The following MCTP2 variants were observed in gnomAD, a reference collection of about 807,000 sequenced individuals.
MCTP2 encodes multiple C2 and transmembrane domain containing 2, also known as multiple C2 and transmembrane domain-containing protein 2.
MCTP2 carries 132 observed loss-of-function variants against 111.6 expected under a neutral mutation model. The ratio of observed to expected loss-of-function variants is 1.18; its 90% CI spans 1.03 to 1.37. MCTP2 has a LOEUF of 1.37. Among genes scored for constraint, MCTP2 ranks in the 40% most tolerant of loss-of-function variants. The pLI is 0.00. For missense variants in MCTP2, 1,183 were observed against 1,067.9 expected (o/e 1.11, Z -1.50); for synonymous variants, 395 against 387.7 (o/e 1.02, Z -0.22).
intron 2 of MCTP2, among the ~76,000 whole-genome samples, chr15:94,311,022 T>G (rs2076105880): frequency 7.1e-6 from 1 of 140,270 alleles, no homozygotes. Context: ...TTTCCTTTTT[T>G]TTTTTTTTTT....
intron 4 of MCTP2, among the ~76,000 whole-genome samples, chr15:94,324,578 C>T (rs925257754): frequency 2.6e-5 from 4 of 152,154 alleles, no homozygotes; most frequent in African/African-American, 7.2e-5. Flanking sequence ...GAAAACTGCT[C>T]TCTTTCTCAA....
intron 1 of MCTP2, among the ~76,000 whole-genome samples, chr15:94,271,427 G>C (rs1042287445): frequency 1.3e-5 from 2 of 152,190 alleles, no homozygotes; most frequent in African/African-American, 4.8e-5. Context: ...GAAATTGGTT[G>C]CAAATCTCTA....
Position 94,340,866 on chromosome 15 carries a change from TG to T in MCTP2, c.914del (p.Gly305GlufsTer2), listed in dbSNP as rs2077600616. 2 of 1,613,174 alleles carry T rather than the reference TG, an allele frequency of 1.2e-6. No homozygotes were observed. Among genetic ancestry groups the T allele is most frequent in the East Asian group, 2.2e-5 (1 of 44,816 alleles). The part of the protein sequence containing the change: ...LEDPNSLEDD[M>X]GVIVLNLNLV... ...GATCCAAACAGTTTAGAAGATGACATGGGAGTGATCGTGTTAAATTTGAACC... is the reference window on the plus strand; with the variant it reads ...GATCCAAACAGTTTAGAAGATGACATGGAGTGATCGTGTTAAATTTGAACC... On this transcript the variant is annotated frameshift_variant, in exon 7 of 23. Transcript: ENST00000357742. LOFTEE classifies it high-confidence loss of function.
chr15:94,307,612 A>G (rs942712460), intron 2 of MCTP2, among the ~76,000 whole-genome samples: 14 of 152,212 alleles, frequency 9.2e-5, no homozygotes, highest in African/African-American at 3.1e-4. Flanking sequence ...CGGGATGCAC[A>G]GGAGCCCCAT....
chr15:94,247,922 G>T lies in MCTP2; in HGVS notation c.-66+16258G>T, dbSNP rs2072134755. ...TCAAAACTTATCTGTAATGTGCCAG[G>T]TATTGATGTGGACTGGGAAAATCCA... On this transcript the variant is annotated intron_variant, in intron 1 of 22. Transcript: ENST00000357742. 2.6e-5 allele frequency among the ~76,000 whole-genome samples: 4 copies of T among 152,266 alleles called. No individual in the cohort carries two copies. In the South Asian group the frequency reaches 8.3e-4, roughly 32 times the overall value.
intron 1 of MCTP2, among the ~76,000 whole-genome samples, chr15:94,237,444 T>A (rs2070649387): frequency 6.6e-6 from 1 of 151,168 alleles, no homozygotes; most frequent in South Asian, 2.1e-4. Flanking sequence ...ACTCGGATTT[T>A]TTTTTTTTTT....
chr15:94,249,019 C>G (rs1024132220), intron 1 of MCTP2, among the ~76,000 whole-genome samples: 3 of 152,150 alleles, frequency 2.0e-5, no homozygotes, highest in African/African-American at 4.8e-5. Context: ...TATTGAAGCG[C>G]TTGTGTTGTG....
At chr15:94,333,803 C>A (rs1477469681) in intron 4 of MCTP2, among the ~76,000 whole-genome samples, 1 of 152,136 alleles carries the variant, frequency 6.6e-6, no homozygotes, top group Non-Finnish European at 1.5e-5. Flanking sequence ...AAGGAAGCAG[C>A]CAGTCCTTAT....
intron 12 of MCTP2, among the ~76,000 whole-genome samples, chr15:94,381,818 C>T (rs2080154808): frequency 6.6e-6 from 1 of 152,158 alleles, no homozygotes; most frequent in Non-Finnish European, 1.5e-5. Context: ...TAGGCTTTTC[C>T]CCAGCTAACT....
intron 19 of MCTP2, among the ~76,000 whole-genome samples, chr15:94,456,911 T>G (rs2084870770): frequency 6.6e-6 from 1 of 152,226 alleles, no homozygotes; most frequent in African/African-American, 2.4e-5. Context: ...TCTGACATCT[T>G]GGTGCTTTTA....
chr15:94,320,174 G>A (rs143057424), intron 4 of MCTP2, among the ~76,000 whole-genome samples: 3,394 of 138,516 alleles, frequency 0.025, 67 homozygotes, highest in Middle Eastern at 0.14. Flanking sequence ...ATGGAGTCTC[G>A]CTCTGTCGCC....
chr15:94,382,697 A>C (rs1402660847), intron 12 of MCTP2, among the ~76,000 whole-genome samples: 1 of 152,266 alleles, frequency 6.6e-6, no homozygotes, highest in Admixed American at 6.5e-5. Context: ...GCAGGTCAAG[A>C]GGCCTGAGCA....
chr15:94,387,171 C>T (rs1366720089), intron 14 of MCTP2, among the ~76,000 whole-genome samples: 1 of 151,788 alleles, frequency 6.6e-6, no homozygotes, highest in Non-Finnish European at 1.5e-5. Flanking sequence ...CTCCCTCTCT[C>T]CTTCCTTCCC....
chr15:94,306,066 T>G (rs913742454), intron 2 of MCTP2, among the ~76,000 whole-genome samples: 1 of 152,114 alleles, frequency 6.6e-6, no homozygotes, highest in Non-Finnish European at 1.5e-5. Flanking sequence ...CTGAAAAAAA[T>G]GACCAGCAAT....
intron 12 of MCTP2, 101 bp downstream of exon 12, chr15:94,370,281 A>T: frequency 1.2e-6 from 1 of 856,740 alleles, no homozygotes; most frequent in Non-Finnish European, 1.8e-6. Context: ...GTATGACTAT[A>T]ACAGTCATGC....
chr15:94,392,482 A>G (rs2081042261), intron 14 of MCTP2, among the ~76,000 whole-genome samples: 2 of 152,130 alleles, frequency 1.3e-5, no homozygotes, highest in South Asian at 4.1e-4. Flanking sequence ...TAAAACTAGA[A>G]TTGTCAAATG....
At chr15:94,318,536 G>A (rs763487907) in intron 4 of MCTP2, among the ~76,000 whole-genome samples, 38 of 152,142 alleles carry the variant, frequency 2.5e-4, no homozygotes, top group Non-Finnish European at 5.0e-4. Context: ...GCCTCCCAAA[G>A]TGCTAGGATT....
At chr15:94,260,810 A>C (rs947800201) in intron 1 of MCTP2, among the ~76,000 whole-genome samples, 1 of 152,184 alleles carries the variant, frequency 6.6e-6, no homozygotes, top group African/African-American at 2.4e-5. Context: ...TAACCTGAAA[A>C]AATGAGTTCA....
At chr15:94,367,177 A>C (rs1305075650) in intron 10 of MCTP2, among the ~76,000 whole-genome samples, 3 of 140,526 alleles carry the variant, frequency 2.1e-5, no homozygotes, top group Admixed American at 1.4e-4. Flanking sequence ...CCTTTCTCTT[A>C]TCTTTTTTTT....
Sources: gnomAD v4.1 joint callset for allele counts (sites outside exome capture counted in the v4.1 genomes callset) on GRCh38, gnomAD v4.1.1 for gene constraint, MANE v1.5 for transcripts, NCBI Gene and HGNC (gene_info 2026-07-23, HGNC 2026-07-21) for gene names.